The following ATF7IP variants were observed in gnomAD, a reference collection of about 807,000 sequenced individuals.
ATF7IP encodes activating transcription factor 7 interacting protein.
A neutral mutation model predicts 106.4 loss-of-function variants in ATF7IP; 23 were observed. The ratio of observed to expected loss-of-function variants is 0.22; its 90% CI spans 0.16 to 0.31. The LOEUF is 0.31. Among genes scored for constraint, ATF7IP ranks in the 10% least tolerant of loss-of-function variants. ATF7IP has a pLI of 1.00. For synonymous variants in ATF7IP, 542 were observed against 539.0 expected (o/e 1.01, Z -0.08); for missense variants, 1,334 against 1,524.3 (o/e 0.88, Z 2.08).
chr12:14,461,178 A>G (rs745604325), intron 9 of ATF7IP, 45 bp downstream of exon 9: 10 of 1,560,534 alleles, frequency 6.4e-6, no homozygotes, highest in Non-Finnish European at 8.7e-6. Context: ...AAGCATCTTA[A>G]TAGCCTTGTA....
At chr12:14,379,854 T>C (rs189377971) in intron 1 of ATF7IP, among the ~76,000 whole-genome samples, 17 of 152,342 alleles carry the variant, frequency 1.1e-4, no homozygotes, top group Admixed American at 3.9e-4. Flanking sequence ...TTTAGTCTTA[T>C]GGAATTTCAA....
chr12:14,493,635 T>C (rs1226872759), intron 13 of ATF7IP, among the ~76,000 whole-genome samples: 2 of 152,172 alleles, frequency 1.3e-5, no homozygotes, highest in Non-Finnish European at 2.9e-5. Flanking sequence ...GTCCCCAGCT[T>C]CATCAGGGTG....
At chr12:14,366,222 T>G (rs1938290161) in intron 1 of ATF7IP, among the ~76,000 whole-genome samples, 1 of 152,230 alleles carries the variant, frequency 6.6e-6, no homozygotes, top group South Asian at 2.1e-4. Flanking sequence ...TTTTTCGATT[T>G]TTTGAAAAAT....
At chr12:14,493,589 T>A (rs1175216287) in intron 13 of ATF7IP, among the ~76,000 whole-genome samples, 1 of 152,098 alleles carries the variant, frequency 6.6e-6, no homozygotes, top group African/African-American at 2.4e-5. Context: ...CTGTTCTTTC[T>A]GGCAAAAAAG....
At chr12:14,489,208 A>G (rs769007031) in intron 13 of ATF7IP, among the ~76,000 whole-genome samples, 32 of 152,150 alleles carry the variant, frequency 2.1e-4, no homozygotes, top group Non-Finnish European at 4.3e-4. Context: ...AGACGCCTTA[A>G]TGGATCTCCT....
chr12:14,483,176 T>G (rs909482701), intron 13 of ATF7IP, among the ~76,000 whole-genome samples: 2 of 152,240 alleles, frequency 1.3e-5, no homozygotes, highest in Admixed American at 1.3e-4. Flanking sequence ...GCACCTCAGC[T>G]GGTCGTGGTT....
chr12:14,395,126 CAAG>C (rs1242045396), intron 1 of ATF7IP: 1 of 151,650 alleles, frequency 6.6e-6, no homozygotes, highest in Non-Finnish European at 1.5e-5. Context: ...ATGAATCAAA[CAAG>C]AAATTTAGAC....
At chr12:14,389,230 ACAT>A (rs1939412762) in intron 1 of ATF7IP, among the ~76,000 whole-genome samples, 1 of 152,230 alleles carries the variant, frequency 6.6e-6, no homozygotes, top group South Asian at 2.1e-4. Flanking sequence ...GTGCTAAGTA[ACAT>A]CATATCCACT....
chr12:14,399,054 A>C (rs1940034888), intron 1 of ATF7IP, among the ~76,000 whole-genome samples: 1 of 152,132 alleles, frequency 6.6e-6, no homozygotes, highest in South Asian at 2.1e-4. Flanking sequence ...CTGGATAAAT[A>C]ACATATTTAT....
chr12:14,473,290 CTGTGTGTGTG>C (rs869266316), intron 10 of ATF7IP, among the ~76,000 whole-genome samples: 3 of 129,942 alleles, frequency 2.3e-5, no homozygotes, highest in African/African-American at 8.9e-5. Context: ...CTCTCTCTCT[CTGTGTGTGTG>C]TGTGTGTGTG....
chr12:14,378,093 T>C (rs1384396960), intron 1 of ATF7IP, among the ~76,000 whole-genome samples: 2 of 120,210 alleles, frequency 1.7e-5, no homozygotes, highest in Non-Finnish European at 3.4e-5. Flanking sequence ...TCAGTATTTT[T>C]CTTTTTCTTT....
At chr12:14,477,410 C>G (rs767541183) in intron 11 of ATF7IP, among the ~76,000 whole-genome samples, 12 of 152,118 alleles carry the variant, frequency 7.9e-5, no homozygotes, top group Non-Finnish European at 1.6e-4. Context: ...CTATTGCTTT[C>G]ACTAATTTTT....
At chr12:14,482,449 C>T (rs572002215) in intron 13 of ATF7IP, 1 of 152,492 alleles carries the variant, frequency 6.6e-6, no homozygotes, top group African/African-American at 2.4e-5. Flanking sequence ...GCATCCAGCA[C>T]AGGAGAAAGA....
chr12:14,404,526 C>T (rs969309687), intron 1 of ATF7IP, among the ~76,000 whole-genome samples: 1 of 152,106 alleles, frequency 6.6e-6, no homozygotes, highest in Non-Finnish European at 1.5e-5. Context: ...GATTTAATTT[C>T]CTTATATTTC....
At position 14,380,242 on chromosome 12, in the gene ATF7IP, A is replaced by G. The variant is rs183163074; in HGVS notation, c.-8+14415A>G. Among the ~76,000 whole-genome samples the G allele has an allele frequency of 1.6e-3, 237 of 152,112 alleles. 2 individuals are homozygous for G. The highest frequency in any genetic ancestry group is 5.4e-3 in the African/African-American group (226 of 41,524). The stretch of plus-strand genomic sequence containing the variant: ...TTTTTTGAAGTTTTCTTATTCCTGC[A>G]TAGTCTATTGCTTCATGTATTTTTT... On this transcript the variant is annotated intron_variant, in intron 1 of 14. Coordinates refer to ENST00000261168, the MANE Select transcript of ATF7IP (RefSeq NM_018179.5).
intron 13 of ATF7IP, among the ~76,000 whole-genome samples, chr12:14,489,646 A>G (rs1591970122): frequency 6.6e-6 from 1 of 152,130 alleles, no homozygotes; most frequent in African/African-American, 2.4e-5. Flanking sequence ...CCAGACTTGC[A>G]AAGTATTGTC....
intron 1 of ATF7IP, among the ~76,000 whole-genome samples, chr12:14,402,693 C>T (rs953020463): frequency 2.7e-5 from 4 of 150,480 alleles, no homozygotes; most frequent in Non-Finnish European, 1.5e-5. Context: ...ACTACAACCT[C>T]TGCCTCCTGG....
intron 1 of ATF7IP, among the ~76,000 whole-genome samples, chr12:14,386,095 C>G (rs993611679): frequency 9.2e-5 from 14 of 152,024 alleles, no homozygotes; most frequent in Non-Finnish European, 2.9e-5. Flanking sequence ...AAAAATATAT[C>G]TAATGTATTC....
At chr12:14,447,873 A>G (rs901791020) in intron 6 of ATF7IP, among the ~76,000 whole-genome samples, 1 of 152,184 alleles carries the variant, frequency 6.6e-6, no homozygotes, top group African/African-American at 2.4e-5. Context: ...AAAGTATACA[A>G]TTAAGTCCAA....
Sources: allele counts gnomAD v4.1 joint callset (sites outside exome capture counted in the v4.1 genomes callset), GRCh38; gene constraint gnomAD v4.1.1; transcripts MANE v1.5; gene names NCBI Gene and HGNC (gene_info 2026-07-23, HGNC 2026-07-21).